The following DLG2 variants were observed in gnomAD, a reference collection of about 807,000 sequenced individuals.
DLG2 encodes discs large MAGUK scaffold protein 2.
In DLG2, 45 loss-of-function variants were observed where a neutral mutation model predicts 132.5. The observed-to-expected ratio is 0.34, with a 90% CI of 0.27 to 0.44. The LOEUF (loss-of-function observed/expected upper bound fraction) is 0.44. Ranked by LOEUF, DLG2 falls within the 20% of genes least tolerant of loss-of-function variation. The pLI is 1.00. For synonymous variants in DLG2, 424 were observed against 419.6 expected, an observed-to-expected ratio of 1.01 and a Z score of -0.13; for missense variants, 1,045 against 1,196.9, an observed-to-expected ratio of 0.87 and a Z score of 1.87.
chr11:83,703,025 G>A (rs1407801733), intron 18 of DLG2, among the ~76,000 whole-genome samples: 1 of 152,206 alleles, frequency 6.6e-6, no homozygotes, highest in Non-Finnish European at 1.5e-5. Flanking sequence ...TATCCTCTAT[G>A]GTACATCTGT....
intron 6 of DLG2, among the ~76,000 whole-genome samples, chr11:84,814,109 T>C (rs531570149): frequency 4.6e-5 from 7 of 152,212 alleles, no homozygotes; most frequent in Admixed American, 3.9e-4. Flanking sequence ...CGAAATGCGC[T>C]TGTAGATTTT....
chr11:84,195,798 T>C (rs2096504884), intron 8 of DLG2, among the ~76,000 whole-genome samples: 1 of 152,226 alleles, frequency 6.6e-6, no homozygotes, highest in Non-Finnish European at 1.5e-5. Flanking sequence ...CCTCCACTTT[T>C]CCTTGCAGCT....
At chr11:85,627,064 A>G (rs1476028592) in intron 1 of DLG2, among the ~76,000 whole-genome samples, 154 bp downstream of exon 1, 1 of 152,220 alleles carries the variant, frequency 6.6e-6, no homozygotes, top group Admixed American at 6.5e-5. Flanking sequence ...TCAAATCTGT[A>G]GAGAAAAATG....
At chr11:84,122,516 T>C (rs2093976118) in intron 9 of DLG2, among the ~76,000 whole-genome samples, 1 of 152,042 alleles carries the variant, frequency 6.6e-6, no homozygotes. Flanking sequence ...GCCTATGAGT[T>C]CACAACTCTC....
intron 19 of DLG2, among the ~76,000 whole-genome samples, chr11:83,587,000 A>C (rs1157804561): frequency 6.6e-6 from 1 of 152,164 alleles, no homozygotes; most frequent in Non-Finnish European, 1.5e-5. Flanking sequence ...TCTGACTTTA[A>C]ATCCTGACTC....
At chr11:84,198,144 A>G (rs942820075) in intron 8 of DLG2, among the ~76,000 whole-genome samples, 6 of 151,488 alleles carry the variant, frequency 4.0e-5, no homozygotes, top group African/African-American at 1.2e-4. Flanking sequence ...CTTCACAGCC[A>G]CTCTATGAAG....
intron 3 of DLG2, among the ~76,000 whole-genome samples, chr11:85,405,330 T>C (rs997344360): frequency 1.3e-5 from 2 of 152,038 alleles, no homozygotes; most frequent in African/African-American, 4.8e-5. Context: ...ATGTACAACA[T>C]GGCCAAGAAG....
chr11:85,133,923 T>C (rs180806008), intron 5 of DLG2, among the ~76,000 whole-genome samples: 90 of 152,124 alleles, frequency 5.9e-4, no homozygotes, highest in African/African-American at 2.1e-3. Flanking sequence ...GATAATAATA[T>C]ACTTTTTTTT....
chr11:84,976,429 A>C lies in DLG2; in HGVS notation c.357+135232T>G, dbSNP rs2154117292. On this transcript the variant is annotated intron_variant, in intron 6 of 27. Coordinates refer to ENST00000376104, the MANE Select transcript of DLG2 (RefSeq NM_001142699.3). ...ATAACAGAGAACCTATGTACTTGTG[A>C]TAATAAATCATATTCCTTGGGTGGT... is the stretch of plus-strand genomic sequence containing the variant. 2.0e-5 allele frequency among the ~76,000 whole-genome samples: 3 copies of C among 152,294 alleles called. No homozygotes were observed. In the South Asian group the frequency reaches 6.2e-4, roughly 32 times the overall value.
intron 8 of DLG2, among the ~76,000 whole-genome samples, chr11:84,200,873 T>C (rs1409639351): frequency 6.6e-6 from 1 of 152,166 alleles, no homozygotes; most frequent in Non-Finnish European, 1.5e-5. Flanking sequence ...TTTCTAAATA[T>C]AGGTTCACTT....
chr11:83,918,388 C>T (rs1401677957), intron 15 of DLG2, among the ~76,000 whole-genome samples: 3 of 152,172 alleles, frequency 2.0e-5, no homozygotes, highest in African/African-American at 4.8e-5. Context: ...CATTCACTCA[C>T]ACCTATCCTG....
intron 4 of DLG2, among the ~76,000 whole-genome samples, chr11:85,188,437 A>G (rs1296745431): frequency 1.3e-5 from 2 of 152,230 alleles, no homozygotes; most frequent in Non-Finnish European, 2.9e-5. Context: ...TCTGGTATCT[A>G]AAATGTCTAG....
chr11:85,121,952 TGTG>T (rs1278466264), intron 5 of DLG2, among the ~76,000 whole-genome samples: 2 of 151,788 alleles, frequency 1.3e-5, no homozygotes, highest in Admixed American at 6.6e-5. Flanking sequence ...ATAAGAGTGT[TGTG>T]TGTGTGTGTA....
At chr11:85,487,828 C>T (rs1200982452) in intron 3 of DLG2, among the ~76,000 whole-genome samples, 2 of 152,132 alleles carry the variant, frequency 1.3e-5, no homozygotes, top group African/African-American at 4.8e-5. Flanking sequence ...CCCAGGAAAA[C>T]AATGCAAAGA....
intron 8 of DLG2, among the ~76,000 whole-genome samples, chr11:84,215,347 T>C (rs2096822174): frequency 6.6e-6 from 1 of 152,120 alleles, no homozygotes; most frequent in Non-Finnish European, 1.5e-5. Context: ...GAAGAGCGTG[T>C]ATCTGTTTCT....
intron 6 of DLG2, among the ~76,000 whole-genome samples, chr11:84,591,223 C>CTGTGTGTGTGTGTGTGTGTGTGTG (rs781411791): frequency 7.2e-6 from 1 of 139,222 alleles, no homozygotes; most frequent in Non-Finnish European, 1.5e-5. Flanking sequence ...ATGTGTCTCT[C>CTGTGTGTGTGTGTGTGTGTGTGTG]TGTGTGTGTG....
At chr11:84,319,329 A>G (rs1336353000) in intron 7 of DLG2, among the ~76,000 whole-genome samples, 2 of 152,190 alleles carry the variant, frequency 1.3e-5, no homozygotes, top group Non-Finnish European at 2.9e-5. Flanking sequence ...ATGGCTGTAC[A>G]GTAGGATTTG....
chr11:84,873,774 A>G (rs757631410), intron 6 of DLG2, among the ~76,000 whole-genome samples: 156 of 152,244 alleles, frequency 1.0e-3, no homozygotes, highest in Admixed American at 2.1e-3. Flanking sequence ...TAGGCTCTTT[A>G]ACCATCTTTC....
At chr11:83,872,610 C>T (rs1311769457) in intron 16 of DLG2, among the ~76,000 whole-genome samples, 1 of 152,140 alleles carries the variant, frequency 6.6e-6, no homozygotes, top group African/African-American at 2.4e-5. Flanking sequence ...ATTATGTCAA[C>T]TACAGAGTTC....
Sources: gnomAD v4.1 joint callset for allele counts (sites outside exome capture counted in the v4.1 genomes callset) on GRCh38, gnomAD v4.1.1 for gene constraint, MANE v1.5 for transcripts, NCBI Gene and HGNC (gene_info 2026-07-23, HGNC 2026-07-21) for gene names.